The following SPMIP7 variants were observed in gnomAD, a reference collection of about 807,000 sequenced individuals.
The protein encoded by SPMIP7 is protein SPMIP7.
the SPMIP7 span, among the ~76,000 whole-genome samples, chr7:50,158,043 C>T: frequency 8.5e-5 from 13 of 152,214 alleles, no homozygotes; most frequent in Non-Finnish European, 1.8e-4. Context: ...GCCAGTAAAA[C>T]CCTGTACACC....
chr7:50,137,226 C>T, the SPMIP7 span, among the ~76,000 whole-genome samples: 4 of 151,934 alleles, frequency 2.6e-5, no homozygotes, highest in Non-Finnish European at 5.9e-5. Flanking sequence ...TAGTTTCTAA[C>T]ATTAATAGAA....
At chr7:50,159,023 C>G in the SPMIP7 span, 1 of 1,549,514 alleles carries the variant, frequency 6.5e-7, no homozygotes, top group Middle Eastern at 1.7e-4. Context: ...CATTTTCCTC[C>G]TTTTTTTCCC....
chr7:50,146,399 G>A, the SPMIP7 span, among the ~76,000 whole-genome samples: 8 of 152,268 alleles, frequency 5.3e-5, no homozygotes, highest in Admixed American at 5.2e-4. Context: ...ATGGGTTCTT[G>A]GAGCTTTGAG....
At chr7:50,126,273 G>A in the SPMIP7 span, among the ~76,000 whole-genome samples, 12 of 152,004 alleles carry the variant, frequency 7.9e-5, no homozygotes, top group Non-Finnish European at 1.0e-4. Context: ...AAACTTCTGT[G>A]TGCCAATTAA....
chr7:50,103,220 A>T, the SPMIP7 span, among the ~76,000 whole-genome samples: 5 of 151,854 alleles, frequency 3.3e-5, no homozygotes, highest in Non-Finnish European at 7.4e-5. Flanking sequence ...CTGATCTCAA[A>T]TTTTAACTTT....
At chr7:50,150,469 A>C in the SPMIP7 span, among the ~76,000 whole-genome samples, 1 of 152,202 alleles carries the variant, frequency 6.6e-6, no homozygotes, top group Non-Finnish European at 1.5e-5. Context: ...CATGGCGTTG[A>C]TACGACTCTG....
the SPMIP7 span, among the ~76,000 whole-genome samples, chr7:50,157,334 G>T: frequency 6.6e-6 from 1 of 152,148 alleles, no homozygotes; most frequent in Non-Finnish European, 1.5e-5. Context: ...ATGTGTTAGA[G>T]GTGGAGAAGA....
the SPMIP7 span, among the ~76,000 whole-genome samples, chr7:50,157,623 G>A: frequency 1.8e-4 from 27 of 152,272 alleles, no homozygotes; most frequent in African/African-American, 5.3e-4. Flanking sequence ...ACTATATAGA[G>A]GGTTAATTTT....
At chr7:50,106,235 G>A in the SPMIP7 span, among the ~76,000 whole-genome samples, 1 of 152,142 alleles carries the variant, frequency 6.6e-6, no homozygotes, top group East Asian at 1.9e-4. Flanking sequence ...AGCACTTAGG[G>A]CCACTGTGAC....
chr7:50,136,168 A>G, the SPMIP7 span: 1 of 1,543,980 alleles, frequency 6.5e-7, no homozygotes, highest in Non-Finnish European at 8.8e-7. Flanking sequence ...ATTAATTTGT[A>G]AGTTTTATCT....
chr7:50,131,468 C>A, the SPMIP7 span, among the ~76,000 whole-genome samples: 1 of 152,040 alleles, frequency 6.6e-6, no homozygotes, highest in African/African-American at 2.4e-5. Context: ...GAGGCCTGGG[C>A]CAGAGAAATC....
At chr7:50,104,090 G>A in the SPMIP7 span, among the ~76,000 whole-genome samples, 1 of 152,082 alleles carries the variant, frequency 6.6e-6, no homozygotes, top group Non-Finnish European at 1.5e-5. Flanking sequence ...CTAATAATAA[G>A]TAAGAAATAA....
At chr7:50,125,585 G>GGTGT in the SPMIP7 span, among the ~76,000 whole-genome samples, 423 of 140,888 alleles carry the variant, frequency 3.0e-3, 1 homozygote, top group African/African-American at 9.8e-3. Flanking sequence ...AAGAAAATAT[G>GGTGT]GTGTGTGTGT....
At chr7:50,119,905 G>A in the SPMIP7 span, among the ~76,000 whole-genome samples, 1 of 152,166 alleles carries the variant, frequency 6.6e-6, no homozygotes, top group African/African-American at 2.4e-5. Context: ...ATGCTATAAA[G>A]GGACCACACA....
the SPMIP7 span, among the ~76,000 whole-genome samples, chr7:50,155,813 ATG>A: frequency 5.9e-5 from 9 of 152,378 alleles, no homozygotes; most frequent in Non-Finnish European, 7.3e-5. Flanking sequence ...TACTACACAC[ATG>A]GCTGTCATCC....
At chr7:50,105,155 A>G in the SPMIP7 span, among the ~76,000 whole-genome samples, 1 of 152,218 alleles carries the variant, frequency 6.6e-6, no homozygotes, top group Non-Finnish European at 1.5e-5. Flanking sequence ...AAATTGAGAT[A>G]CTTAAAGAAT....
the SPMIP7 span, among the ~76,000 whole-genome samples, chr7:50,145,108 C>T: frequency 6.6e-6 from 1 of 151,728 alleles, no homozygotes; most frequent in East Asian, 2.0e-4. Context: ...CTAAAAAACA[C>T]AAAAATTTGC....
the SPMIP7 span, among the ~76,000 whole-genome samples, chr7:50,110,216 AAAAGT>A: frequency 6.6e-6 from 1 of 151,712 alleles, no homozygotes; most frequent in East Asian, 1.9e-4. Context: ...GAAGAATTTA[AAAAGT>A]AAAGACCTAA....
chr7:50,119,432 C>T, the SPMIP7 span, among the ~76,000 whole-genome samples: 5 of 152,186 alleles, frequency 3.3e-5, no homozygotes, highest in Admixed American at 1.3e-4. Context: ...CCATCCTAAT[C>T]GTTCCCTTTC....
Sources: gnomAD v4.1 joint callset for allele counts (sites outside exome capture counted in the v4.1 genomes callset) on GRCh38, gnomAD v4.1.1 for gene constraint, MANE v1.5 for transcripts, NCBI Gene and HGNC (gene_info 2026-07-23, HGNC 2026-07-21) for gene names.